Variants in SCAPER observed in about 807,000 individuals in gnomAD.
The protein encoded by SCAPER is S-phase cyclin A associated protein in the ER.
Under a neutral mutation model 182.2 loss-of-function variants are expected in SCAPER, and 98 were observed. The observed-to-expected ratio is 0.54, with a 90% CI of 0.46 to 0.64. SCAPER has a LOEUF of 0.64. SCAPER is among the 30% of genes least tolerant of loss of function. SCAPER has a pLI of 0.00. For synonymous variants in SCAPER, 605 were observed against 564.6 expected (o/e 1.07, Z -1.01); for missense variants, 1,432 against 1,690.0 (o/e 0.85, Z 2.68).
chr15:76,877,808 A>T (rs1301520572), intron 2 of SCAPER, among the ~76,000 whole-genome samples: 1 of 152,234 alleles, frequency 6.6e-6, no homozygotes, highest in East Asian at 1.9e-4. Context: ...AAATGGATCA[A>T]GAAGAAAATA....
chr15:76,440,202 T>C (rs2047465692), intron 25 of SCAPER, among the ~76,000 whole-genome samples: 3 of 152,216 alleles, frequency 2.0e-5, no homozygotes, highest in South Asian at 2.1e-4. Context: ...AGGGCTGGAA[T>C]AGATACTGGT....
chr15:76,448,099 C>T (rs558974987), intron 25 of SCAPER, among the ~76,000 whole-genome samples: 1 of 152,262 alleles, frequency 6.6e-6, no homozygotes, highest in East Asian at 1.9e-4. Context: ...GTGTATGAGA[C>T]TGTCAGATCA....
chr15:76,600,387 A>ATGTGTGTG lies in SCAPER; in HGVS notation c.2711+21369_2711+21376dup, dbSNP rs60494575. Among the ~76,000 whole-genome samples, 23 of 88,722 alleles carry ATGTGTGTG rather than the reference A, an allele frequency of 2.6e-4. 1 individual carries two copies. Among genetic ancestry groups the ATGTGTGTG allele is most frequent in the South Asian group, 7.1e-4 (2 of 2,798 alleles). 58.2% of individuals were successfully genotyped at this position (88,722 alleles called of 152,430 possible). ...TAGCATACTTGGAAAGTGTGTGTAT[A>ATGTGTGTG]TGTGTGTGTGTGTGTGTGTGTGTGT... On this transcript the variant is annotated intron_variant, in intron 22 of 31. Coordinates refer to ENST00000563290, the MANE Select transcript of SCAPER (RefSeq NM_020843.4).
chr15:76,566,836 T>A (rs1391983946), intron 23 of SCAPER, among the ~76,000 whole-genome samples: 1 of 152,078 alleles, frequency 6.6e-6, no homozygotes, highest in African/African-American at 2.4e-5. Flanking sequence ...TTAATTTTAT[T>A]ATTAAACATA....
chr15:76,766,931 T>G lies in SCAPER; in HGVS notation c.1406A>C (p.Asp469Ala). The G allele has an allele frequency of 6.3e-7, 1 of 1,596,088 alleles. No individual in the cohort carries two copies. Among genetic ancestry groups the G allele is most frequent in the Non-Finnish European group, 8.5e-7 (1 of 1,175,504 alleles). ...NNDINIETDN[D>A]SDFSASMGSG... ...CTAAAAGCTCACAGAAAAATCACTG[T>G]CGTTGTCAGTTTCAATGTTAATATC... The change falls in exon 11 of 32, where the codon GAC becomes GCC. Residue 469 changes from aspartate to alanine, a missense_variant. Around this residue, in one of 5 missense-constraint regions of SCAPER, gnomAD observed 128 missense variants for 149.9 expected, o/e 0.85. Coordinates refer to ENST00000563290, the MANE Select transcript of SCAPER (RefSeq NM_020843.4).
chr15:76,721,785 A>G (rs912961329), intron 17 of SCAPER, among the ~76,000 whole-genome samples: 1 of 152,124 alleles, frequency 6.6e-6, no homozygotes, highest in Non-Finnish European at 1.5e-5. Context: ...TTGTATCCTG[A>G]GACTTTGCTG....
chr15:76,459,591 A>G (rs1291066256), intron 25 of SCAPER, among the ~76,000 whole-genome samples: 1 of 139,098 alleles, frequency 7.2e-6, no homozygotes, highest in East Asian at 2.1e-4. Flanking sequence ...TGCTTGTTGG[A>G]TGAATAGTTT....
intron 28 of SCAPER, chr15:76,380,899 T>G (rs1024819202): frequency 6.6e-6 from 1 of 152,510 alleles, no homozygotes; most frequent in African/African-American, 2.4e-5. Flanking sequence ...GAAAGTCATA[T>G]CAATCAATTT....
chr15:76,791,710 G>C (rs1335085073), intron 8 of SCAPER, among the ~76,000 whole-genome samples: 1 of 151,948 alleles, frequency 6.6e-6, no homozygotes, highest in Non-Finnish European at 1.5e-5. Flanking sequence ...GCAGAAAGCA[G>C]CAGCTGAGAA....
intron 2 of SCAPER, among the ~76,000 whole-genome samples, chr15:76,870,442 TA>T (rs1442245190): frequency 6.7e-6 from 1 of 150,008 alleles, no homozygotes; most frequent in Non-Finnish European, 1.5e-5. Flanking sequence ...AGAAAAAATA[TA>T]AAAAAAGGGA....
At chr15:76,653,992 G>A (rs2055395609) in intron 21 of SCAPER, among the ~76,000 whole-genome samples, 2 of 151,992 alleles carry the variant, frequency 1.3e-5, no homozygotes, top group African/African-American at 4.8e-5. Context: ...AATCTACAGA[G>A]AACTTAAACA....
rs991489584 is a variant in SCAPER at position 76,730,341 on chromosome 15, G to A, written c.2023-1604C>T. On this transcript the variant is annotated intron_variant, in intron 16 of 31. Transcript: ENST00000563290. ...AGAAGAGGGTAAACTGGGAATTGGA[G>A]GGAATGCCCTTATTTGAGGAGGACA... is the stretch of plus-strand genomic sequence containing the variant. Among the ~76,000 whole-genome samples, 23 of 151,916 alleles carry A rather than the reference G, an allele frequency of 1.5e-4. 1 individual carries two copies. Among genetic ancestry groups the A allele is most frequent in the Admixed American group, 1.4e-3 (22 of 15,246 alleles).
chr15:76,647,888 G>A (rs2146478294), intron 21 of SCAPER, among the ~76,000 whole-genome samples: 1 of 152,134 alleles, frequency 6.6e-6, no homozygotes, highest in South Asian at 2.1e-4. Flanking sequence ...AGGATTAAAG[G>A]TTACTCTATG....
chr15:76,899,167 G>A (rs1161192133), intron 1 of SCAPER, among the ~76,000 whole-genome samples: 3 of 151,966 alleles, frequency 2.0e-5, no homozygotes, highest in Non-Finnish European at 4.4e-5. Flanking sequence ...TCTCCCTCTC[G>A]CTCTCCGTCT....
chr15:76,568,027 TTTTG>T (rs1271408757), intron 23 of SCAPER, among the ~76,000 whole-genome samples: 16 of 152,094 alleles, frequency 1.1e-4, no homozygotes, highest in African/African-American at 3.6e-4. Context: ...GGAATCAATT[TTTTG>T]TTTATGATGT....
chr15:76,889,816 C>A (rs1040310170), intron 1 of SCAPER, among the ~76,000 whole-genome samples: 2 of 152,082 alleles, frequency 1.3e-5, no homozygotes, highest in African/African-American at 2.4e-5. Flanking sequence ...TTGCACCAAG[C>A]GGACCTAATA....
intron 20 of SCAPER, among the ~76,000 whole-genome samples, chr15:76,680,192 A>G (rs2057611673): frequency 1.3e-5 from 2 of 152,148 alleles, no homozygotes; most frequent in African/African-American, 4.8e-5. Flanking sequence ...TGAGGGTGTC[A>G]GCAGCTTCAT....
chr15:76,374,783 G>A (rs900361507), intron 29 of SCAPER, among the ~76,000 whole-genome samples: 3 of 151,916 alleles, frequency 2.0e-5, no homozygotes, highest in Admixed American at 6.6e-5. Context: ...CACTGCGCCC[G>A]GCCAAGTAGG....
chr15:76,496,949 A>T (rs186127263), intron 24 of SCAPER, among the ~76,000 whole-genome samples: 301 of 152,224 alleles, frequency 2.0e-3, no homozygotes, highest in Non-Finnish European at 3.1e-3. Context: ...TATTTTAAGT[A>T]AAAAGAGCCA....
Sources: allele counts gnomAD v4.1 joint callset (sites outside exome capture counted in the v4.1 genomes callset), GRCh38; gene constraint gnomAD v4.1.1; regional missense constraint gnomAD v4.1.1; transcripts MANE v1.5; gene names NCBI Gene and HGNC (gene_info 2026-07-23, HGNC 2026-07-21).